Variants in JAKMIP3 observed in about 807,000 individuals in gnomAD.
The protein encoded by JAKMIP3 is janus kinase and microtubule-interacting protein 3.
A neutral mutation model predicts 118.5 loss-of-function variants in JAKMIP3; 58 were observed. The observed-to-expected ratio is 0.49, with a 90% confidence interval of 0.40 to 0.61. JAKMIP3 has a LOEUF of 0.61. Among genes scored for constraint, JAKMIP3 ranks in the 20% least tolerant of loss-of-function variants. The pLI, the probability that JAKMIP3 is intolerant of heterozygous loss-of-function variation, is 0.00. For synonymous variants in JAKMIP3, 486 were observed against 451.2 expected (o/e 1.08, Z -0.98); for missense variants, 950 against 1,109.0 (o/e 0.86, Z 2.04).
At position 132,182,368 on chromosome 10, in the gene JAKMIP3, T is replaced by A. The variant is rs2061579412; in HGVS notation, c.*1115T>A. 6.6e-6 allele frequency: 1 copy of A among 152,230 alleles called. No individual in the cohort carries two copies. The allele number at this position is 152,230 out of a possible 1,614,324, so 9.4% of individuals were successfully genotyped here. A position where few individuals can be genotyped will look rare whatever the true frequency, so the allele number is the denominator to read the frequency against. On this transcript the variant is annotated 3_prime_UTR_variant, in exon 24 of 24. Coordinates refer to ENST00000684848, the MANE Select transcript of JAKMIP3 (RefSeq NM_001323087.2). ...CCACTCTTTTTCAGAGAGGAAGCAGTGCATTGGTGAAGGCAACGTTAGGTG... is the reference window on the plus strand; with the variant it reads ...CCACTCTTTTTCAGAGAGGAAGCAGAGCATTGGTGAAGGCAACGTTAGGTG...
At chr10:132,126,972 C>A (rs1458082810) in intron 3 of JAKMIP3, among the ~76,000 whole-genome samples, 1 of 152,060 alleles carries the variant, frequency 6.6e-6, no homozygotes, top group Non-Finnish European at 1.5e-5. Flanking sequence ...TGGAACTATT[C>A]TCCTTTTTCT....
At chr10:132,110,653 G>A (rs1272525853) in intron 2 of JAKMIP3, among the ~76,000 whole-genome samples, 1 of 152,260 alleles carries the variant, frequency 6.6e-6, no homozygotes, top group South Asian at 2.1e-4. Context: ...ATTTCAGTCC[G>A]ATGGTTAATC....
intron 4 of JAKMIP3, 120 bp from the exon 5 acceptor site, chr10:132,134,921 C>T (rs998340753): frequency 1.3e-5 from 16 of 1,260,304 alleles, no homozygotes; most frequent in Middle Eastern, 2.4e-4. Context: ...CCGGCAGCCG[C>T]GTGGAGGTAA....
chr10:132,059,842 C>A (rs905197075), upstream of JAKMIP3, among the ~76,000 whole-genome samples: 2 of 152,218 alleles, frequency 1.3e-5, no homozygotes, highest in African/African-American at 4.8e-5. Context: ...CTGACTTTAC[C>A]TTGGAGAACC....
rs2047863352 is a variant in JAKMIP3 at position 132,117,502 on chromosome 10, C to T, written c.561C>T (p.Arg187=). 1 of 1,610,128 alleles carries T rather than the reference C, an allele frequency of 6.2e-7. No homozygotes were observed. The highest frequency in any genetic ancestry group is 8.5e-7 in the Non-Finnish European group (1 of 1,178,380). The change falls in exon 3 of 24, where the codon CGC becomes CGT. Residue 187 remains arginine (R), a synonymous_variant. Transcript: ENST00000684848. This position sits in a 1 kb window ranked among gnomAD's most constrained non-coding sequence, Gnocchi z 8.6. ...QADKIKAAEI[R]SVYHLHQEEI... is the part of the protein sequence containing the mutation. ...ACAAGATCAAGGCCGCAGAGATCCGCAGCGTGTACCACCTGCACCAGGAGG... is the reference window on the plus strand; with the variant it reads ...ACAAGATCAAGGCCGCAGAGATCCGTAGCGTGTACCACCTGCACCAGGAGG...
chr10:132,150,016 A>G lies in JAKMIP3; in HGVS notation c.1982A>G (p.Asp661Gly). ...IVVAELMKKL[D>G]ILGDNAVSNL... ...GTTGCGGAGCTGATGAAGAAGCTGG[A>G]CATCCTGGGCGATAACGCCGTAAGT... Residue 661 changes from aspartate to glycine, a missense_variant, in exon 16 of 24, where the codon GAC becomes GGC. Physicochemically the swap from Asp to Gly is moderately conservative, Grantham distance 94. Transcript: ENST00000684848. The G allele has an allele frequency of 6.3e-7, 1 of 1,583,492 alleles. No homozygotes were observed. Among genetic ancestry groups the G allele is most frequent in the Non-Finnish European group, 8.6e-7 (1 of 1,168,256 alleles).
chr10:132,145,706 T>C (rs2054470564), intron 13 of JAKMIP3, 126 bp downstream of exon 13: 1 of 762,780 alleles, frequency 1.3e-6, no homozygotes, highest in South Asian at 1.7e-5. Context: ...CCAGGCCCCT[T>C]CTGCTCTGCT....
At chr10:132,093,712 C>T (rs771929882) in intron 1 of JAKMIP3, among the ~76,000 whole-genome samples, 23 of 152,122 alleles carry the variant, frequency 1.5e-4, no homozygotes, top group African/African-American at 3.4e-4. Flanking sequence ...CGCCCTGCTT[C>T]GGCTCACGTT....
upstream of JAKMIP3, among the ~76,000 whole-genome samples, chr10:132,061,780 T>A (rs569685752): frequency 1.2e-4 from 18 of 152,372 alleles, no homozygotes; most frequent in East Asian, 3.5e-3. Context: ...CCTGGGGAGA[T>A]GTTTTCATGT....
chr10:132,066,875 G>A (rs938934998), intron 1 of JAKMIP3, among the ~76,000 whole-genome samples: 20 of 152,170 alleles, frequency 1.3e-4, no homozygotes, highest in African/African-American at 4.8e-4. Flanking sequence ...TTATTGAGAT[G>A]TCAGTGAGAC....
intron 23 of JAKMIP3, among the ~76,000 whole-genome samples, chr10:132,180,157 G>A (rs542603708): frequency 6.6e-6 from 1 of 152,258 alleles, no homozygotes; most frequent in Non-Finnish European, 1.5e-5. Context: ...GGAATGCTTC[G>A]AAGCCAAGTT....
At chr10:132,170,498 G>A (rs1211257710) in intron 23 of JAKMIP3, among the ~76,000 whole-genome samples, 1 of 152,158 alleles carries the variant, frequency 6.6e-6, no homozygotes, top group African/African-American at 2.4e-5. Context: ...GGGGACGCCG[G>A]GTCAGGAGAT....
In JAKMIP3 at chr10:132,180,554, CATGCGTGTGTGTGCGTGTGT is replaced by C. The variant is rs2060740463; in HGVS notation, c.*1104-1802_*1104-1783del. 6.9e-4 allele frequency among the ~76,000 whole-genome samples: 3 copies of C among 4,334 alleles called. 1 individual carries two copies. The highest frequency in any genetic ancestry group is 5.7e-3 in the East Asian group (3 of 524). 2.8% of individuals were successfully genotyped at this position (4,334 alleles called of 152,430 possible). ...GTGTGTGTGTGTGTGTGCGTGCGTG[CATGCGTGTGTGTGCGTGTGT>C]GTGTGCGTGCGCGTGTGTGTGTGCG... On this transcript the variant is annotated intron_variant, in intron 23 of 23. Transcript: ENST00000684848.
chr10:132,048,120 G>A (rs902214085), intron 1 of JAKMIP3, among the ~76,000 whole-genome samples: 1 of 152,248 alleles, frequency 6.6e-6, no homozygotes, highest in African/African-American at 2.4e-5. Context: ...TGCATCCTCC[G>A]CGTGGAGCAG....
Position 132,150,023 on chromosome 10 carries a change from G to A in JAKMIP3, c.1989G>A (p.Leu663=), listed in dbSNP as rs1177356363. 6.3e-7 allele frequency: 1 copy of A among 1,593,678 alleles called. No homozygotes were observed. Among genetic ancestry groups the A allele is most frequent in the East Asian group, 2.3e-5 (1 of 43,478 alleles). The change falls in exon 16 of 24, where the codon CTG becomes CTA. Residue 663 remains leucine (L), a synonymous_variant. Transcript: ENST00000684848. ...AGCTGATGAAGAAGCTGGACATCCT[G>A]GGCGATAACGCCGTAAGTGTATGTC... ...VAELMKKLDI[L]GDNAVSNLTN...
chr10:132,163,262 G>A lies in JAKMIP3; in HGVS notation c.2274G>A (p.Gly758=), dbSNP rs2058548472. The A allele has an allele frequency of 1.9e-6, 3 of 1,587,854 alleles. No individual in the cohort carries two copies. Among genetic ancestry groups the A allele is most frequent in the Non-Finnish European group, 2.6e-6 (3 of 1,168,140 alleles). ...ATGATGCCCTGCAGCAGGAGGCCGG[G>A]GCTAAGGTGGCTGAGCTGCTGTCAG... The part of the protein sequence containing the change: ...MLYDALQQEA[G]AKVAELLSEE... The change falls in exon 20 of 24, where the codon GGG becomes GGA. Residue 758 remains glycine, a synonymous_variant. Transcript: ENST00000684848.
chr10:132,124,432 A>T (rs983328297), intron 3 of JAKMIP3, among the ~76,000 whole-genome samples: 1 of 138,934 alleles, frequency 7.2e-6, no homozygotes, highest in Non-Finnish European at 1.6e-5. Flanking sequence ...CACCTGTCCC[A>T]CCCTGGCACA....
rs201838731 is a variant in JAKMIP3 at position 132,080,503 on chromosome 10, A to ATTTTT, written c.-138+14474_-138+14478dup. 1.7e-3 allele frequency among the ~76,000 whole-genome samples: 105 copies of ATTTTT among 61,578 alleles called. 16 individuals are homozygous for ATTTTT. Among genetic ancestry groups the ATTTTT allele is most frequent in the African/African-American group, 5.0e-3 (71 of 14,266 alleles). The allele number at this position is 61,578 out of a possible 152,430, so 40.4% of individuals were successfully genotyped here. ...TATTTTCTTGCTGTCAAGTTATAGG[A>ATTTTT]TTTTTTTTTTTTTTTTTTTTTTTTT... On this transcript the variant is annotated intron_variant, in intron 1 of 23. Transcript: ENST00000684848.
intron 6 of JAKMIP3, 95 bp from the exon 7 acceptor site, chr10:132,136,924 C>T (rs1322983229): frequency 2.9e-6 from 4 of 1,398,348 alleles, no homozygotes; most frequent in Admixed American, 2.2e-5. Context: ...AGAGTGGCAG[C>T]CCGGGTTGAG....
Sources: allele counts gnomAD v4.1 joint callset (sites outside exome capture counted in the v4.1 genomes callset), GRCh38; gene constraint gnomAD v4.1.1; non-coding constraint Gnocchi (gnomAD v3.1); transcripts MANE v1.5; gene names NCBI Gene and HGNC (gene_info 2026-07-23, HGNC 2026-07-21).